Variants in MAML3 observed in about 807,000 individuals in gnomAD.
The protein encoded by MAML3 is mastermind like transcriptional coactivator 3, also known as mastermind-like protein 3.
MAML3 carries 27 observed loss-of-function variants against 101.9 expected under a neutral mutation model. The observed-to-expected ratio is 0.27, with a 90% CI of 0.20 to 0.37. MAML3 has a LOEUF of 0.37. Among genes scored for constraint, MAML3 ranks in the 10% least tolerant of loss-of-function variants. The probability of loss-of-function intolerance (pLI) is 1.00; values close to 1 mark genes in which losing one functional copy is unlikely to be tolerated. For synonymous variants in MAML3, 501 were observed against 555.9 expected (o/e 0.90, Z 1.39); for missense variants, 1,316 against 1,444.9 (o/e 0.91, Z 1.45).
At chr4:139,840,013 GC>G (rs970199128) in intron 2 of MAML3, among the ~76,000 whole-genome samples, 3 of 152,162 alleles carry the variant, frequency 2.0e-5, no homozygotes, top group African/African-American at 7.2e-5. Flanking sequence ...GGGGTCAAAA[GC>G]CCCCCAAAGA....
chr4:140,084,964 G>A (rs774943206), intron 1 of MAML3, among the ~76,000 whole-genome samples: 40 of 152,026 alleles, frequency 2.6e-4, no homozygotes, highest in Non-Finnish European at 5.1e-4. Flanking sequence ...TAGCTATAAC[G>A]GTTTACATTG....
chr4:140,120,957 A>T (rs981403097), intron 1 of MAML3, among the ~76,000 whole-genome samples: 1 of 150,234 alleles, frequency 6.7e-6, no homozygotes, highest in Non-Finnish European at 1.5e-5. Context: ...TTTGGGCTAA[A>T]CACCGAATCC....
rs1732413280 is a variant in MAML3 at position 139,889,388 on chromosome 4, A to G, written c.2048T>C (p.Met683Thr). ...MKQKGVMNQP[M>T]AYAALPSHGQ... is the part of the protein sequence containing the mutation. ...GTGGGATGGAAGTGCAGCGTAAGCC[A>G]TGGGCTGATTCATCACTCCTTTCTG... Residue 683 changes from methionine to threonine, a missense_variant, in exon 2 of 5, where the codon ATG becomes ACG. Physicochemically the swap from Met to Thr is moderately conservative, Grantham distance 81. Transcript: ENST00000509479. 2 of 1,614,046 alleles carry G rather than the reference A, an allele frequency of 1.2e-6. No individual in the cohort carries two copies. The highest frequency in any genetic ancestry group is 2.2e-5 in the East Asian group (1 of 44,886).
chr4:140,059,346 C>T (rs972542245), intron 1 of MAML3, among the ~76,000 whole-genome samples: 3 of 152,168 alleles, frequency 2.0e-5, no homozygotes, highest in Admixed American at 6.5e-5. Context: ...GCAATGCCTG[C>T]TGGCAGGGAG....
intron 1 of MAML3, among the ~76,000 whole-genome samples, chr4:140,096,051 G>C (rs1029846599): frequency 2.6e-5 from 4 of 152,198 alleles, no homozygotes; most frequent in African/African-American, 7.2e-5. Context: ...TGTACTTTCA[G>C]ATTACTAGCT....
chr4:140,065,970 T>C (rs974416267), intron 1 of MAML3, among the ~76,000 whole-genome samples: 1 of 152,150 alleles, frequency 6.6e-6, no homozygotes, highest in African/African-American at 2.4e-5. Flanking sequence ...TTACTCAAAG[T>C]TTTCCTCATT....
intron 1 of MAML3, among the ~76,000 whole-genome samples, chr4:140,058,854 A>G (rs985168905): frequency 3.5e-4 from 53 of 152,216 alleles, no homozygotes; most frequent in African/African-American, 1.2e-3. Flanking sequence ...ACACAGTTAG[A>G]ACAGAGAATA....
intron 1 of MAML3, among the ~76,000 whole-genome samples, chr4:140,146,057 G>C (rs1320310003): frequency 1.3e-5 from 2 of 151,458 alleles, no homozygotes; most frequent in Non-Finnish European, 2.9e-5. Context: ...TATTTTAGTA[G>C]AGACGGGGTT....
intron 1 of MAML3, among the ~76,000 whole-genome samples, chr4:139,934,746 T>TGA (rs1733473018): frequency 6.6e-6 from 1 of 152,208 alleles, no homozygotes; most frequent in Non-Finnish European, 1.5e-5. Flanking sequence ...ACTAAAGTGT[T>TGA]CTTCCCTAAA....
chr4:139,806,556 T>G (rs1730703064), intron 2 of MAML3, among the ~76,000 whole-genome samples: 1 of 152,102 alleles, frequency 6.6e-6, no homozygotes, highest in African/African-American at 2.4e-5. Context: ...ACAACACACG[T>G]CAAGATCCTA....
chr4:139,854,209 C>G (rs1382274781), intron 2 of MAML3, among the ~76,000 whole-genome samples: 4 of 151,930 alleles, frequency 2.6e-5, no homozygotes, highest in African/African-American at 9.7e-5. Context: ...AGAATTAAGT[C>G]TGATGTCTAC....
At chr4:140,060,173 C>T (rs1451659481) in intron 1 of MAML3, among the ~76,000 whole-genome samples, 3 of 151,714 alleles carry the variant, frequency 2.0e-5, no homozygotes, top group African/African-American at 7.3e-5. Context: ...CGAGACAAGC[C>T]TGGTCAACAC....
intron 1 of MAML3, among the ~76,000 whole-genome samples, chr4:140,137,564 T>G (rs952698113): frequency 4.6e-5 from 7 of 152,192 alleles, no homozygotes; most frequent in Non-Finnish European, 1.0e-4. Flanking sequence ...AACACATATA[T>G]TACAAAAAGT....
chr4:140,057,205 G>T (rs1361237791), intron 1 of MAML3, among the ~76,000 whole-genome samples: 2 of 152,192 alleles, frequency 1.3e-5, no homozygotes, highest in African/African-American at 4.8e-5. Context: ...GAGCTCAGAA[G>T]TTCAAGGCTG....
rs1732010643 is a variant in MAML3, at chr4:139,871,722, TC to T, written c.2079+17634del. ...GTCTTCCTCAGGTTGCACTTTTTGT[TC>T]CTTATTAACCCTTCGCAACCCAGTT... On this transcript the variant is annotated intron_variant, in intron 2 of 4. Coordinates refer to ENST00000509479, the MANE Select transcript of MAML3 (RefSeq NM_018717.5). 2.0e-5 allele frequency among the ~76,000 whole-genome samples: 3 copies of T among 152,328 alleles called. No individual in the cohort carries two copies. In the East Asian group the frequency reaches 5.8e-4, roughly 29 times the overall value.
chr4:139,877,388 T>C (rs1481017422), intron 2 of MAML3, among the ~76,000 whole-genome samples: 1 of 150,276 alleles, frequency 6.7e-6, no homozygotes, highest in Non-Finnish European at 1.5e-5. Flanking sequence ...CAGAGTTGTA[T>C]GAATAGTTAA....
chr4:140,009,585 T>C (rs183309162), intron 1 of MAML3, among the ~76,000 whole-genome samples: 2 of 152,378 alleles, frequency 1.3e-5, no homozygotes, highest in East Asian at 1.9e-4. Context: ...TATAATAATA[T>C]TTTAAACATC....
At chr4:139,868,040 T>C (rs1344664065) in intron 2 of MAML3, among the ~76,000 whole-genome samples, 5 of 152,282 alleles carry the variant, frequency 3.3e-5, no homozygotes, top group African/African-American at 1.2e-4. Context: ...GCACTTCTTT[T>C]GTACCTAGGG....
chr4:139,909,752 G>A (rs1395105985), intron 1 of MAML3, among the ~76,000 whole-genome samples: 4 of 141,804 alleles, frequency 2.8e-5, no homozygotes, highest in East Asian at 2.1e-4. Context: ...CAGGAGAATC[G>A]CTTGAACCTG....
Sources: allele counts gnomAD v4.1 joint callset (sites outside exome capture counted in the v4.1 genomes callset), GRCh38; gene constraint gnomAD v4.1.1; transcripts MANE v1.5; gene names NCBI Gene and HGNC (gene_info 2026-07-23, HGNC 2026-07-21).